The following BMP1 variants were observed in gnomAD, a reference collection of about 807,000 sequenced individuals.
BMP1 encodes mammalian tolloid protein.
A neutral mutation model predicts 116.8 loss-of-function variants in BMP1; 63 were observed. That is an observed-to-expected ratio of 0.54 (90% CI 0.44 to 0.67). The LOEUF (loss-of-function observed/expected upper bound fraction) is 0.67, where lower values mean the gene tolerates loss of function less well. Among genes scored for constraint, BMP1 ranks in the 30% least tolerant of loss-of-function variants. The pLI is 0.00. For synonymous variants in BMP1, 536 were observed against 533.4 expected, an observed-to-expected ratio of 1.00 and a Z score of -0.07; for missense variants, 1,183 against 1,358.9, an observed-to-expected ratio of 0.87 and a Z score of 2.04.
rs972869168 is a variant in BMP1 at position 22,196,775 on chromosome 8, C to G, written c.1861C>G (p.Leu621Val). The G allele has an allele frequency of 2.5e-6, 4 of 1,614,048 alleles. No homozygotes were observed. The highest frequency in any genetic ancestry group is 1.3e-5 in the African/African-American group (1 of 74,922). ...YPPNKNCIWQ[L>V]VAPTQYRISL... ...CCCCAACAAGAACTGCATCTGGCAGCTGGTGGCCCCCACCCAGTACCGCAT... is the reference window on the plus strand; with the variant it reads ...CCCCAACAAGAACTGCATCTGGCAGGTGGTGGCCCCCACCCAGTACCGCAT... The change falls in exon 14 of 20, where the codon CTG becomes GTG. Residue 621 changes from leucine (L) to valine (V), a missense_variant. By Grantham distance (32) the Leu-to-Val change is conservative. Around this residue, in one of 4 missense-constraint regions of BMP1, gnomAD observed 956 missense variants for 1,135.2 expected, o/e 0.84. Coordinates refer to ENST00000306385, the MANE Select transcript of BMP1 (RefSeq NM_006129.5).
intron 15 of BMP1, among the ~76,000 whole-genome samples, chr8:22,199,609 T>A (rs905898906): frequency 2.0e-5 from 3 of 152,240 alleles, no homozygotes; most frequent in African/African-American, 7.2e-5. Flanking sequence ...TACCAGGCAC[T>A]GGACTAGGTT....
chr8:22,182,031 A>T (rs947498489), intron 8 of BMP1, among the ~76,000 whole-genome samples: 1 of 152,160 alleles, frequency 6.6e-6, no homozygotes, highest in Non-Finnish European at 1.5e-5. Context: ...CTTTTCACAC[A>T]GACTCTGGAC....
chr8:22,205,916 T>C (rs1158085576), intron 16 of BMP1, among the ~76,000 whole-genome samples: 1 of 152,174 alleles, frequency 6.6e-6, no homozygotes, highest in Admixed American at 6.5e-5. Flanking sequence ...GACAAAGCCC[T>C]CAAGGAACCG....
chr8:22,196,957 G>C (rs1424990038), intron 14 of BMP1, 117 bp downstream of exon 14: 2 of 1,336,144 alleles, frequency 1.5e-6, no homozygotes, highest in East Asian at 5.0e-5. Flanking sequence ...TGCAAATATC[G>C]AGGAGAGACT....
intron 16 of BMP1, among the ~76,000 whole-genome samples, chr8:22,205,730 G>A (rs1245399042): frequency 1.3e-5 from 2 of 152,174 alleles, no homozygotes; most frequent in African/African-American, 4.8e-5. Flanking sequence ...AGCTATGATC[G>A]CACTACTGTA....
chr8:22,202,121 G>T (rs529021567), intron 16 of BMP1, among the ~76,000 whole-genome samples, 193 bp downstream of exon 16: 1 of 152,244 alleles, frequency 6.6e-6, no homozygotes, highest in Non-Finnish European at 1.5e-5. Flanking sequence ...CACTTCTGTT[G>T]CCCACATTAG....
Position 22,193,188 on chromosome 8 carries a change from C to T in BMP1, c.1181-870C>T, listed in dbSNP as rs376145181. Among the ~76,000 whole-genome samples the T allele has an allele frequency of 5.3e-5, 8 of 152,338 alleles. No homozygotes were observed. The East Asian group carries it at 1.4e-3, about 26-fold the overall frequency. ...AAAGAATTCCACAGATGGCCGACCT[C>T]ATTCACTTATGTTGATTCTTATTCA... On this transcript the variant is annotated intron_variant, in intron 9 of 19. Coordinates refer to ENST00000306385, the MANE Select transcript of BMP1 (RefSeq NM_006129.5).
chr8:22,206,758 G>A lies in BMP1; in HGVS notation c.2234-96G>A, dbSNP rs911929229. 3.3e-6 allele frequency: 5 copies of A among 1,538,100 alleles called. No individual in the cohort carries two copies. In the African/African-American group the frequency reaches 6.0e-5, roughly 19 times the overall value. On this transcript the variant is annotated intron_variant, in intron 16 of 19. Coordinates refer to ENST00000306385, the MANE Select transcript of BMP1 (RefSeq NM_006129.5). Reference sequence around the variant, plus strand: ...TTCATAAGTGGGACAAGAGATGGAAGAAAGGAGGGGGGGCAGGAGGGAAGG... The same window carrying A: ...TTCATAAGTGGGACAAGAGATGGAAAAAAGGAGGGGGGGCAGGAGGGAAGG...
intron 2 of BMP1, among the ~76,000 whole-genome samples, chr8:22,175,228 G>A (rs1828398420): frequency 6.6e-6 from 1 of 152,138 alleles, no homozygotes. Context: ...AATACAATAC[G>A]ACACTTGTCC....
In BMP1 at chr8:22,165,524, C is replaced by T. The variant is rs561644531; in HGVS notation, c.119C>T (p.Pro40Leu). 80 of 1,591,560 alleles carry T rather than the reference C, an allele frequency of 5.0e-5. 1 individual carries two copies. The South Asian group carries it at 8.5e-4, about 17-fold the overall frequency. The change falls in exon 1 of 20, where the codon CCC (proline) becomes CTC (leucine). Residue 40 changes from proline (P) to leucine (L), a missense_variant. Pro to Leu is a moderately conservative substitution (Grantham distance 98, BLOSUM62 -3). Coordinates refer to ENST00000306385, the MANE Select transcript of BMP1 (RefSeq NM_006129.5). ...CTGGCGGAGGAGGACGACTCGGAGCCCCTCAACTACAAAGACCCCTGCAAG... is the reference window on the plus strand; with the variant it reads ...CTGGCGGAGGAGGACGACTCGGAGCTCCTCAACTACAAAGACCCCTGCAAG... Reference protein sequence around the residue: ...YDLAEEDDSEPLNYKDPCKAA... With the variant: ...YDLAEEDDSELLNYKDPCKAA...
chr8:22,197,268 G>T lies in BMP1; in HGVS notation c.1955G>T (p.Arg652Leu). 6.2e-7 allele frequency: 1 copy of T among 1,613,320 alleles called. No homozygotes were observed. Among genetic ancestry groups the T allele is most frequent in the Non-Finnish European group, 8.5e-7 (1 of 1,179,326 alleles). ...TGCAAGTACGACTTCGTGGAGGTGC[G>T]CAGTGGACTCACAGCTGACTCCAAG... Reference protein sequence around the residue: ...DVCKYDFVEVRSGLTADSKLH... With the variant: ...DVCKYDFVEVLSGLTADSKLH... Residue 652 changes from arginine (R) to leucine (L), a missense_variant, in exon 15 of 20, where the codon CGC becomes CTC. Physicochemically the swap from Arg to Leu is moderately radical, Grantham distance 102. This residue lies in a region of BMP1 where 956 missense variants were observed against 1,135.2 expected (regional missense o/e 0.84). Coordinates refer to ENST00000306385, the MANE Select transcript of BMP1 (RefSeq NM_006129.5).
At chr8:22,203,185 C>G (rs374591728) in intron 16 of BMP1, among the ~76,000 whole-genome samples, 2 of 152,298 alleles carry the variant, frequency 1.3e-5, no homozygotes, top group Non-Finnish European at 2.9e-5. Flanking sequence ...AGACTTGCCT[C>G]TACCATTGAA....
chr8:22,186,517 G>A (rs1828775247), intron 8 of BMP1, among the ~76,000 whole-genome samples: 1 of 152,178 alleles, frequency 6.6e-6, no homozygotes, highest in Admixed American at 6.5e-5. Flanking sequence ...GCCCAGGCTG[G>A]AGTGCAGTGG....
At chr8:22,206,438 G>C (rs1329177647) in intron 16 of BMP1, among the ~76,000 whole-genome samples, 1 of 151,158 alleles carries the variant, frequency 6.6e-6, no homozygotes. Context: ...GGAGGTGGAG[G>C]TTGCAGTGAG....
intron 12 of BMP1, among the ~76,000 whole-genome samples, 191 bp from the exon 13 acceptor site, chr8:22,195,271 A>T (rs1170476714): frequency 3.9e-5 from 6 of 152,228 alleles, no homozygotes; most frequent in Admixed American, 3.9e-4. Flanking sequence ...GAAATGAAAG[A>T]GGGGTCCTTA....
chr8:22,193,450 T>TATA (rs1265207930), intron 9 of BMP1, among the ~76,000 whole-genome samples: 2 of 152,232 alleles, frequency 1.3e-5, no homozygotes, highest in Non-Finnish European at 2.9e-5. Context: ...ATATGCTCTT[T>TATA]AGAAAGGTAA....
intron 3 of BMP1, 33 bp downstream of exon 3, chr8:22,176,346 C>A (rs367811637): frequency 3.2e-6 from 5 of 1,570,398 alleles, no homozygotes; most frequent in Non-Finnish European, 4.3e-6. Flanking sequence ...CAGAGTGTAA[C>A]CAGCTTCCGG....
chr8:22,176,795 C>G, intron 4 of BMP1, 145 bp downstream of exon 4: 1 of 1,038,688 alleles, frequency 9.6e-7, no homozygotes, highest in Non-Finnish European at 1.4e-6. Context: ...GGAACTGCCC[C>G]CTGTGCGGCT....
intron 3 of BMP1, 76 bp from the exon 4 acceptor site, chr8:22,176,457 C>G: frequency 1.3e-6 from 2 of 1,572,300 alleles, no homozygotes; most frequent in South Asian, 2.2e-5. Flanking sequence ...CTCAGAATGG[C>G]TGTGACTCTT....
Sources: gnomAD v4.1 joint callset for allele counts (sites outside exome capture counted in the v4.1 genomes callset) on GRCh38, gnomAD v4.1.1 for gene constraint, gnomAD v4.1.1 regional missense constraint, MANE v1.5 for transcripts, NCBI Gene and HGNC (gene_info 2026-07-23, HGNC 2026-07-21) for gene names.